Variants in GARIN1B observed in about 807,000 individuals in gnomAD.
GARIN1B encodes the protein golgi associated RAB2 interactor 1B, also known as Golgi-associated RAB2 interactor protein 1B.
At chr7:128,714,374 C>T in the GARIN1B span, among the ~76,000 whole-genome samples, 2 of 151,934 alleles carry the variant, frequency 1.3e-5, no homozygotes, top group East Asian at 3.9e-4. Context: ...GTCAGGAGTT[C>T]GAGACCAGCC....
At chr7:128,715,404 A>G in the GARIN1B span, 115,292 of 1,601,842 alleles carry the variant, frequency 0.072, 7,280 homozygotes, top group East Asian at 0.27. Context: ...CAGAGATCCC[A>G]GGACAAATGT....
chr7:128,728,377 A>G, the GARIN1B span, among the ~76,000 whole-genome samples: 2 of 151,870 alleles, frequency 1.3e-5, no homozygotes, highest in Non-Finnish European at 2.9e-5. Context: ...GGGAAAGTGG[A>G]GGTTGCAGTG....
At chr7:128,715,920 G>A in the GARIN1B span, among the ~76,000 whole-genome samples, 180 of 129,494 alleles carry the variant, frequency 1.4e-3, no homozygotes, top group African/African-American at 5.3e-3. Context: ...GGGGTCCTCT[G>A]CTCTGAGTGG....
chr7:128,726,191 G>A, the GARIN1B span, among the ~76,000 whole-genome samples: 6 of 152,194 alleles, frequency 3.9e-5, no homozygotes, highest in African/African-American at 1.4e-4. Context: ...GGGAAGTGAC[G>A]TGATCCAATT....
chr7:128,730,316 G>T, the GARIN1B span, among the ~76,000 whole-genome samples: 1 of 152,318 alleles, frequency 6.6e-6, no homozygotes. Flanking sequence ...TTCTCTTGCT[G>T]TATGGGAGGT....
chr7:128,728,940 A>G, the GARIN1B span, among the ~76,000 whole-genome samples: 139 of 152,308 alleles, frequency 9.1e-4, 1 homozygote, highest in East Asian at 0.015. Context: ...ACATTCAAAC[A>G]CACATATGTA....
the GARIN1B span, among the ~76,000 whole-genome samples, chr7:128,728,376 G>A: frequency 6.6e-6 from 1 of 152,120 alleles, no homozygotes; most frequent in Non-Finnish European, 1.5e-5. Context: ...TGGGAAAGTG[G>A]AGGTTGCAGT....
the GARIN1B span, chr7:128,719,184 G>T: frequency 2.4e-6 from 3 of 1,250,420 alleles, no homozygotes; most frequent in Non-Finnish European, 3.4e-6. Context: ...ATCTCAGTGT[G>T]AGGCCTTTTC....
chr7:128,716,619 G>A, the GARIN1B span, among the ~76,000 whole-genome samples: 1 of 152,300 alleles, frequency 6.6e-6, no homozygotes, highest in African/African-American at 2.4e-5. Flanking sequence ...GATTTGGCTG[G>A]TAGTGCTACT....
chr7:128,714,039 T>G, the GARIN1B span: 1 of 1,534,868 alleles, frequency 6.5e-7, no homozygotes, highest in Non-Finnish European at 8.7e-7. Flanking sequence ...AAAAGTGAGG[T>G]TGGAAGTTGG....
At chr7:128,725,019 AGCT>A in the GARIN1B span, 6 of 502,888 alleles carry the variant, frequency 1.2e-5, no homozygotes, top group Non-Finnish European at 1.5e-5. Flanking sequence ...GGATCCAATG[AGCT>A]CATATGCACC....
At chr7:128,714,651 G>C in the GARIN1B span, among the ~76,000 whole-genome samples, 1 of 151,968 alleles carries the variant, frequency 6.6e-6, no homozygotes, top group Non-Finnish European at 1.5e-5. Context: ...TTGAATAGTG[G>C]TCAGCCTGCT....
chr7:128,713,003 T>G, the GARIN1B span, among the ~76,000 whole-genome samples: 1 of 152,156 alleles, frequency 6.6e-6, no homozygotes, highest in Non-Finnish European at 1.5e-5. Context: ...TCAAGTATTC[T>G]ATTACTAAAA....
the GARIN1B span, among the ~76,000 whole-genome samples, chr7:128,713,204 G>A: frequency 6.6e-6 from 1 of 152,044 alleles, no homozygotes; most frequent in Admixed American, 6.6e-5. Flanking sequence ...TTACTCGGGA[G>A]GCTGAGGCAG....
At chr7:128,724,077 C>T in the GARIN1B span, among the ~76,000 whole-genome samples, 1 of 152,310 alleles carries the variant, frequency 6.6e-6, no homozygotes, top group East Asian at 1.9e-4. Flanking sequence ...GTGGCACAGT[C>T]TCGGCTCACT....
the GARIN1B span, chr7:128,716,766 G>A: frequency 1.3e-6 from 2 of 1,519,222 alleles, no homozygotes; most frequent in South Asian, 2.5e-5. Context: ...GAAACAGACT[G>A]CAGCTTTTGC....
the GARIN1B span, chr7:128,715,316 A>C: frequency 6.7e-7 from 1 of 1,492,096 alleles, no homozygotes; most frequent in Non-Finnish European, 8.8e-7. Flanking sequence ...CTGGTTTTTC[A>C]TGATGTCATC....
At chr7:128,727,804 C>A in the GARIN1B span, among the ~76,000 whole-genome samples, 2 of 152,272 alleles carry the variant, frequency 1.3e-5, no homozygotes, top group South Asian at 4.1e-4. Context: ...TCCTACCCTT[C>A]ACACAACACC....
chr7:128,725,512 T>C, the GARIN1B span, among the ~76,000 whole-genome samples: 5 of 152,072 alleles, frequency 3.3e-5, no homozygotes, highest in African/African-American at 1.2e-4. Flanking sequence ...GCTGGGGTTA[T>C]AGGCACTCAC....
Sources: allele counts gnomAD v4.1 joint callset (sites outside exome capture counted in the v4.1 genomes callset), GRCh38; gene constraint gnomAD v4.1.1; transcripts MANE v1.5; gene names NCBI Gene and HGNC (gene_info 2026-07-23, HGNC 2026-07-21).